The following STPG2 variants were observed in gnomAD, a reference collection of about 807,000 sequenced individuals.
STPG2 encodes the protein sperm tail PG-rich repeat containing 2.
Under a neutral mutation model 54.2 loss-of-function variants are expected in STPG2, and 56 were observed. The observed-to-expected ratio is 1.03, with a 90% CI of 0.83 to 1.29. The LOEUF is 1.29. STPG2 is among the 50% of genes most tolerant of loss of function. The probability of loss-of-function intolerance (pLI) is 0.00; values close to 1 mark genes in which losing one functional copy is unlikely to be tolerated. For synonymous variants in STPG2, 200 were observed against 181.8 expected, an observed-to-expected ratio of 1.10 and a Z score of -0.81; for missense variants, 596 against 544.9, an observed-to-expected ratio of 1.09 and a Z score of -0.93.
At chr4:97,822,394 T>C (rs1325429970) in intron 9 of STPG2, among the ~76,000 whole-genome samples, 1 of 152,228 alleles carries the variant, frequency 6.6e-6, no homozygotes, top group Non-Finnish European at 1.5e-5. Context: ...AAACTTTTCC[T>C]CATCTTTCTG....
At chr4:97,777,700 A>G (rs1726425766) in intron 9 of STPG2, among the ~76,000 whole-genome samples, 1 of 152,240 alleles carries the variant, frequency 6.6e-6, no homozygotes, top group African/African-American at 2.4e-5. Context: ...TTGCATAAAA[A>G]GATAAATTCA....
chr4:97,902,208 A>C (rs1237480039), intron 8 of STPG2, among the ~76,000 whole-genome samples: 1 of 152,114 alleles, frequency 6.6e-6, no homozygotes, highest in African/African-American at 2.4e-5. Flanking sequence ...TCTAGAAGAA[A>C]ACAGAGGGGG....
chr4:97,574,005 G>A (rs997133555), intron 10 of STPG2, among the ~76,000 whole-genome samples: 6 of 152,036 alleles, frequency 3.9e-5, no homozygotes, highest in African/African-American at 1.4e-4. Flanking sequence ...ACCCCTCTAG[G>A]ATTCAACAAG....
At chr4:97,472,062 C>A (rs1393474963) in intron 4 of STPG2, among the ~76,000 whole-genome samples, 2 of 152,054 alleles carry the variant, frequency 1.3e-5, no homozygotes, top group Non-Finnish European at 2.9e-5. Context: ...TAAATCATTC[C>A]TCCATCATAA....
At chr4:98,114,217 G>C (rs909223277) in intron 3 of STPG2, among the ~76,000 whole-genome samples, 2 of 152,054 alleles carry the variant, frequency 1.3e-5, no homozygotes, top group African/African-American at 4.8e-5. Context: ...GGATTTTAAA[G>C]TACATAGGCA....
At chr4:97,898,441 C>T (rs564704743) in intron 8 of STPG2, among the ~76,000 whole-genome samples, 3 of 150,966 alleles carry the variant, frequency 2.0e-5, no homozygotes, top group East Asian at 2.0e-4. Context: ...AATACTTGAA[C>T]TTCTAGATTT....
At chr4:97,815,749 CT>C (rs1158585933) in intron 9 of STPG2, among the ~76,000 whole-genome samples, 1 of 152,064 alleles carries the variant, frequency 6.6e-6, no homozygotes, top group Non-Finnish European at 1.5e-5. Context: ...GAAGTATGAT[CT>C]TGTTATCTTT....
At chr4:97,529,048 C>G (rs1466661204) in intron 4 of STPG2, among the ~76,000 whole-genome samples, 1 of 152,174 alleles carries the variant, frequency 6.6e-6, no homozygotes, top group East Asian at 1.9e-4. Flanking sequence ...AGACGGCATC[C>G]TTGTCTTGTG....
At chr4:97,932,240 C>T (rs1243792692) in intron 8 of STPG2, among the ~76,000 whole-genome samples, 1 of 152,078 alleles carries the variant, frequency 6.6e-6, no homozygotes. Flanking sequence ...TGATTTCCTG[C>T]AGTTTAGCTC....
chr4:97,951,734 C>A (rs1560606587), intron 7 of STPG2, among the ~76,000 whole-genome samples: 1 of 152,060 alleles, frequency 6.6e-6, no homozygotes. Flanking sequence ...TACTTCATTC[C>A]CCCATGATGT....
intron 4 of STPG2, among the ~76,000 whole-genome samples, chr4:97,458,352 T>C (rs1292780370): frequency 2.0e-5 from 3 of 152,224 alleles, no homozygotes; most frequent in African/African-American, 4.8e-5. Context: ...GTTGAAATTA[T>C]GATGAATGAG....
intron 10 of STPG2, among the ~76,000 whole-genome samples, chr4:97,565,203 C>T (rs1056089781): frequency 6.6e-6 from 1 of 152,144 alleles, no homozygotes; most frequent in Admixed American, 6.5e-5. Context: ...ATCACTGATA[C>T]CCTTTCTTCC....
chr4:98,019,105 C>G, intron 5 of STPG2, among the ~76,000 whole-genome samples: 1 of 152,118 alleles, frequency 6.6e-6, no homozygotes, highest in Non-Finnish European at 1.5e-5. Context: ...TGCCGATGTC[C>G]TGAATGGTAT....
chr4:98,091,384 T>C (rs1055404231), intron 5 of STPG2, among the ~76,000 whole-genome samples: 4 of 152,072 alleles, frequency 2.6e-5, no homozygotes, highest in African/African-American at 9.7e-5. Context: ...AAAATACAAG[T>C]TGCTTTCTCA....
chr4:97,503,216 G>A (rs1298658367), intron 4 of STPG2, among the ~76,000 whole-genome samples: 1 of 151,818 alleles, frequency 6.6e-6, no homozygotes, highest in African/African-American at 2.4e-5. Context: ...ATCTCTATAA[G>A]CTAGTTATTC....
At chr4:97,692,916 A>G (rs1252486585) in intron 10 of STPG2, among the ~76,000 whole-genome samples, 1 of 152,178 alleles carries the variant, frequency 6.6e-6, no homozygotes, top group Non-Finnish European at 1.5e-5. Context: ...CAAAACAATT[A>G]TCAGCCAAGA....
At chr4:97,744,131 C>T (rs1725353334) in intron 9 of STPG2, among the ~76,000 whole-genome samples, 1 of 151,468 alleles carries the variant, frequency 6.6e-6, no homozygotes, top group South Asian at 2.1e-4. Flanking sequence ...ATAGAAGACT[C>T]TTAAATCACA....
chr4:98,056,636 A>C (rs897347021), intron 5 of STPG2, among the ~76,000 whole-genome samples: 3 of 151,860 alleles, frequency 2.0e-5, no homozygotes, highest in East Asian at 3.9e-4. Flanking sequence ...GAAAAAAAAA[A>C]CACACACATC....
intron 8 of STPG2, among the ~76,000 whole-genome samples, chr4:97,934,618 A>G (rs1048889648): frequency 3.3e-5 from 5 of 152,088 alleles, no homozygotes; most frequent in African/African-American, 7.2e-5. Context: ...TTGAAATAAT[A>G]ATATAGTTTT....
Sources: gnomAD v4.1 joint callset for allele counts (sites outside exome capture counted in the v4.1 genomes callset) on GRCh38, gnomAD v4.1.1 for gene constraint, MANE v1.5 for transcripts, NCBI Gene and HGNC (gene_info 2026-07-23, HGNC 2026-07-21) for gene names.